The following SCLT1 variants were observed in gnomAD, a reference collection of about 807,000 sequenced individuals.
The protein encoded by SCLT1 is sodium channel and clathrin linker 1.
In SCLT1, 78 loss-of-function variants were observed where a neutral mutation model predicts 112.8. The ratio of observed to expected loss-of-function variants is 0.69; its 90% confidence interval spans 0.58 to 0.83. The LOEUF (loss-of-function observed/expected upper bound fraction) is 0.83, where lower values mean the gene tolerates loss of function less well. SCLT1 is among the 40% of genes least tolerant of loss of function. The pLI is 0.00. For synonymous variants in SCLT1, 257 were observed against 254.7 expected, an observed-to-expected ratio of 1.01 and a Z score of -0.09; for missense variants, 747 against 770.4, an observed-to-expected ratio of 0.97 and a Z score of 0.36.
intron 18 of SCLT1, among the ~76,000 whole-genome samples, chr4:128,898,559 C>A (rs955381586): frequency 3.9e-5 from 6 of 152,022 alleles, no homozygotes; most frequent in Non-Finnish European, 7.4e-5. Flanking sequence ...TAAATGCCCA[C>A]AAGAGAAAGC....
chr4:128,997,657 T>C (rs944761847), intron 8 of SCLT1, among the ~76,000 whole-genome samples: 3 of 151,866 alleles, frequency 2.0e-5, no homozygotes, highest in Non-Finnish European at 4.4e-5. Context: ...CTAAGAATCC[T>C]AAGAGGATTT....
chr4:128,900,192 A>T (rs1176251133), intron 18 of SCLT1, among the ~76,000 whole-genome samples: 2 of 152,190 alleles, frequency 1.3e-5, no homozygotes, highest in African/African-American at 2.4e-5. Context: ...GTTCATATGG[A>T]ACCAAAAAAA....
Position 129,044,046 on chromosome 4 carries a change from A to T in SCLT1, c.108T>A (p.Ala36=). 1 of 1,555,088 alleles carries T rather than the reference A, an allele frequency of 6.4e-7. No homozygotes were observed. The highest frequency in any genetic ancestry group is 8.8e-7 in the Non-Finnish European group (1 of 1,132,876). Residue 36 remains alanine (A), a synonymous_variant, in exon 3 of 21, where the codon GCT becomes GCA. Coordinates refer to ENST00000281142, the MANE Select transcript of SCLT1 (RefSeq NM_144643.4). ...SFSKYSSVQK[A]VCQGEGDDTF... Reference sequence around the variant, plus strand: ...TGTCGTCTCCTTCTCCTTGGCAGACAGCTTTCTATAAAAGAATGTACATCT... The same window carrying T: ...TGTCGTCTCCTTCTCCTTGGCAGACTGCTTTCTATAAAAGAATGTACATCT...
At chr4:129,027,790 C>T (rs1479877158) in intron 5 of SCLT1, among the ~76,000 whole-genome samples, 1 of 152,138 alleles carries the variant, frequency 6.6e-6, no homozygotes, top group East Asian at 1.9e-4. Context: ...ATCGTCTCAG[C>T]CCAAAATCTC....
At chr4:129,024,767 T>C (rs1745867801) in intron 5 of SCLT1, among the ~76,000 whole-genome samples, 2 of 152,066 alleles carry the variant, frequency 1.3e-5, no homozygotes, top group South Asian at 4.1e-4. Flanking sequence ...CAGGAGGAAA[T>C]TCAAACCAAA....
At chr4:129,000,226 G>C (rs1743358511) in intron 6 of SCLT1, among the ~76,000 whole-genome samples, 1 of 151,774 alleles carries the variant, frequency 6.6e-6, no homozygotes, top group South Asian at 2.1e-4. Flanking sequence ...GAGAAAATCA[G>C]AATCACCTAT....
At chr4:129,048,191 A>G (rs992601135) in intron 2 of SCLT1, among the ~76,000 whole-genome samples, 11 of 152,288 alleles carry the variant, frequency 7.2e-5, no homozygotes, top group African/African-American at 2.6e-4. Flanking sequence ...AGCCAAAAGA[A>G]CAAAGCTGGA....
At position 129,029,459 on chromosome 4, in the gene SCLT1, T is replaced by C. The variant is rs571266903; in HGVS notation, c.290+9582A>G. Among the ~76,000 whole-genome samples, 12 of 146,486 alleles carry C rather than the reference T, an allele frequency of 8.2e-5. No homozygotes were observed. In the South Asian group the frequency reaches 2.2e-3, roughly 27 times the overall value. On this transcript the variant is annotated intron_variant, in intron 5 of 20. Transcript: ENST00000281142. ...ACCAAACACCGCATGTTCTCACTCA[T>C]AGGTGGGAATTGAACAATGAGAACA...
At chr4:129,002,128 G>A (rs552081523) in intron 6 of SCLT1, among the ~76,000 whole-genome samples, 7 of 151,810 alleles carry the variant, frequency 4.6e-5, no homozygotes, top group South Asian at 4.2e-4. Flanking sequence ...AAATAAAACC[G>A]AATTTTCAGA....
At chr4:129,034,649 T>TA (rs1214414371) in intron 5 of SCLT1, among the ~76,000 whole-genome samples, 56 of 150,978 alleles carry the variant, frequency 3.7e-4, no homozygotes, top group African/African-American at 1.3e-3. Flanking sequence ...TAGTGACTGT[T>TA]AAAGACCAGT....
intron 5 of SCLT1, among the ~76,000 whole-genome samples, chr4:129,013,739 T>A (rs973978092): frequency 6.6e-6 from 1 of 152,198 alleles, no homozygotes. Context: ...GTCTTTAAAA[T>A]TTTTTGTTTC....
At chr4:128,875,802 G>A (rs529994778) in intron 4 of SCLT1, among the ~76,000 whole-genome samples, 13 of 152,158 alleles carry the variant, frequency 8.5e-5, no homozygotes, top group Non-Finnish European at 1.9e-4. Context: ...ATTCCTGAAT[G>A]ATGGGACGGT....
At chr4:128,889,110 C>A (rs1000903378) in intron 19 of SCLT1, among the ~76,000 whole-genome samples, 4 of 152,148 alleles carry the variant, frequency 2.6e-5, no homozygotes, top group African/African-American at 9.7e-5. Context: ...GCCTTACAAC[C>A]AGAGCTTTAG....
intron 2 of SCLT1, among the ~76,000 whole-genome samples, chr4:129,053,232 TG>T (rs1486789213): frequency 1.3e-5 from 2 of 152,330 alleles, no homozygotes; most frequent in East Asian, 3.9e-4. Flanking sequence ...GTTCTGTAGA[TG>T]TCTATTAGGT....
chr4:128,899,890 CAG>C (rs1380826018), intron 18 of SCLT1, among the ~76,000 whole-genome samples: 10 of 152,212 alleles, frequency 6.6e-5, no homozygotes, highest in Middle Eastern at 3.4e-3. Flanking sequence ...AACAGACAAA[CAG>C]AGAGCCAAAT....
At chr4:128,923,085 C>T (rs1402153798) in intron 18 of SCLT1, among the ~76,000 whole-genome samples, 2 of 152,202 alleles carry the variant, frequency 1.3e-5, no homozygotes, top group South Asian at 4.2e-4. Context: ...AAGGTGCAGC[C>T]ATTTTGAGTG....
At chr4:129,043,092 A>G (rs1261654783) in intron 4 of SCLT1, among the ~76,000 whole-genome samples, 2 of 151,990 alleles carry the variant, frequency 1.3e-5, no homozygotes, top group African/African-American at 4.8e-5. Context: ...AAAGAAAAAA[A>G]AAAGAGATGG....
rs114093251 is a variant in SCLT1, at chr4:129,004,493, C to T, written c.291-617G>A. Among the ~76,000 whole-genome samples the T allele has an allele frequency of 8.0e-3, 1,212 of 151,664 alleles. 15 individuals are homozygous for T. Among genetic ancestry groups the T allele is most frequent in the African/African-American group, 0.028 (1,162 of 41,382 alleles). Reference sequence around the variant, plus strand: ...TAAGGTAAATTACAGATATTTCATGCCTTAACTACAAAAAAAAGCAAGGAA... The same window carrying T: ...TAAGGTAAATTACAGATATTTCATGTCTTAACTACAAAAAAAAGCAAGGAA... On this transcript the variant is annotated intron_variant, in intron 5 of 20. Transcript: ENST00000281142.
At chr4:128,994,794 C>T (rs1008897410) in intron 8 of SCLT1, among the ~76,000 whole-genome samples, 3 of 152,118 alleles carry the variant, frequency 2.0e-5, no homozygotes, top group Admixed American at 2.0e-4. Context: ...CATTTCTTCA[C>T]ATACCCATTG....
Sources: allele counts gnomAD v4.1 joint callset (sites outside exome capture counted in the v4.1 genomes callset), GRCh38; gene constraint gnomAD v4.1.1; transcripts MANE v1.5; gene names NCBI Gene and HGNC (gene_info 2026-07-23, HGNC 2026-07-21).